YBX3: variants seen among roughly 807,000 people sequenced by gnomAD.
YBX3 encodes Y-box binding protein 3.
In YBX3, 29 loss-of-function variants were observed where a neutral mutation model predicts 42.4. The ratio of observed to expected loss-of-function variants is 0.68; its 90% CI spans 0.51 to 0.93. YBX3 has a LOEUF of 0.93. Ranked by LOEUF, YBX3 falls within the 40% of genes least tolerant of loss-of-function variation. YBX3 has a pLI of 0.00. For missense variants in YBX3, 517 were observed against 527.5 expected, an observed-to-expected ratio of 0.98 and a Z score of 0.19; for synonymous variants, 195 against 189.8, an observed-to-expected ratio of 1.03 and a Z score of -0.22.
chr12:10,708,087 G>A (rs1397340022), intron 6 of YBX3, among the ~76,000 whole-genome samples: 1 of 152,148 alleles, frequency 6.6e-6, no homozygotes, highest in South Asian at 2.1e-4. Context: ...AGTAAGAACC[G>A]ATTCCAAATA....
intron 8 of YBX3, 99 bp from the exon 9 acceptor site, chr12:10,701,452 A>G: frequency 1.4e-6 from 1 of 730,418 alleles, no homozygotes; most frequent in South Asian, 1.5e-5. Flanking sequence ...CTGTGAAGGA[A>G]AATTAGCATG....
At chr12:10,705,897 T>C (rs560718665) in intron 6 of YBX3, among the ~76,000 whole-genome samples, 1 of 152,328 alleles carries the variant, frequency 6.6e-6, no homozygotes, top group African/African-American at 2.4e-5. Context: ...TTCTTCGCTT[T>C]CTGGCACAAC....
Position 10,713,300 on chromosome 12 carries a change from C to G in YBX3, c.484G>C (p.Gly162Arg), listed in dbSNP as rs765507829. Residue 162 changes from glycine (G) to arginine (R), a missense_variant, in exon 5 of 10, where the codon GGA becomes CGA. Gly to Arg is a moderately radical substitution (Grantham distance 125). This residue lies in a region of YBX3 where 420 missense variants were observed against 408.5 expected (regional missense o/e 1.03). Transcript: ENST00000228251. ...TAACGACTCCCTTCCACAGGAACTC[C>G]ATCCGGGCCAGTCACATTGGCAGCT... ...AEAANVTGPD[G>R]VPVEGSRYAA... The G allele has an allele frequency of 6.2e-7, 1 of 1,613,992 alleles. No individual in the cohort carries two copies. Among genetic ancestry groups the G allele is most frequent in the African/African-American group, 1.3e-5 (1 of 75,022 alleles).
chr12:10,709,804 A>G, intron 6 of YBX3, 104 bp downstream of exon 6: 4 of 1,397,808 alleles, frequency 2.9e-6, no homozygotes, highest in Non-Finnish European at 4.0e-6. Context: ...GGAAGCCATA[A>G]GCAAGGTTTC....
chr12:10,711,132 G>C (rs965084085), intron 5 of YBX3: 2 of 151,652 alleles, frequency 1.3e-5, no homozygotes, highest in Non-Finnish European at 2.9e-5. Flanking sequence ...ATTCACAAAG[G>C]AATTTACCGA....
intron 7 of YBX3, 122 bp downstream of exon 7, chr12:10,703,929 T>C (rs1948108921): frequency 5.7e-6 from 5 of 876,666 alleles, no homozygotes; most frequent in South Asian, 1.9e-5. Flanking sequence ...CTCTGGCATG[T>C]AGTCAAAGCA....
In YBX3 at chr12:10,719,124, A is replaced by G. The variant is rs770369364; in HGVS notation, c.282T>C (p.Thr94=). ...KKVLATKVLG[T]VKWFNVRNGY... The stretch of plus-strand genomic sequence containing the variant: ...CATTTCTGACGTTGAACCATTTGAC[A>G]GTGCCAAGGACTTTGGTGGCTAAAA... The change falls in exon 2 of 10, where the codon ACT becomes ACC. Residue 94 remains threonine, a synonymous_variant. Transcript: ENST00000228251. 6.2e-7 allele frequency: 1 copy of G among 1,613,656 alleles called. No homozygotes were observed. The highest frequency in any genetic ancestry group is 8.5e-7 in the Non-Finnish European group (1 of 1,179,732).
chr12:10,704,239 T>A, intron 6 of YBX3, 91 bp from the exon 7 acceptor site: 1 of 1,070,664 alleles, frequency 9.3e-7, no homozygotes, highest in Non-Finnish European at 1.4e-6. Flanking sequence ...TTTTTAGAAG[T>A]AAAAAACAAA....
Position 10,722,841 on chromosome 12 carries a change from C to A in YBX3, c.262+9G>T. The A allele has an allele frequency of 6.8e-7, 1 of 1,478,474 alleles. No individual in the cohort carries two copies. Among genetic ancestry groups the A allele is most frequent in the Non-Finnish European group, 9.0e-7 (1 of 1,113,806 alleles). The allele number at this position is 1,478,474 out of a possible 1,614,324, so 91.6% of individuals were successfully genotyped here. ...TACGGCAGCCCCTGCCCTCCCTGGC[C>A]TGACTCACCGAGAACTTTTTTCTCC... On this transcript the variant is annotated intron_variant, in intron 1 of 9. Coordinates refer to ENST00000228251, the MANE Select transcript of YBX3 (RefSeq NM_003651.5).
chr12:10,723,098 C>A lies in YBX3; in HGVS notation c.14G>T (p.Gly5Val). 2.5e-6 allele frequency: 3 copies of A among 1,206,206 alleles called. No individual in the cohort carries two copies. Among genetic ancestry groups the A allele is most frequent in the Non-Finnish European group, 3.1e-6 (3 of 972,676 alleles). The allele number at this position is 1,206,206 out of a possible 1,614,324, so 74.7% of individuals were successfully genotyped here. ...GGTGGTGGTGGTGGTGGTGGCCTCG[C>A]CCGCCTCACTCATGCCTCCTCCTCC... MSEA[G>V]EATTTTTTTL... The change falls in exon 1 of 10, where the codon GGC becomes GTC. Residue 5 changes from glycine to valine, a missense_variant. Physicochemically the swap from Gly to Val is moderately radical, Grantham distance 109. Coordinates refer to ENST00000228251, the MANE Select transcript of YBX3 (RefSeq NM_003651.5).
intron 3 of YBX3, 184 bp downstream of exon 3, chr12:10,717,904 G>C (rs1948280594): frequency 4.5e-6 from 2 of 449,060 alleles, no homozygotes; most frequent in African/African-American, 2.0e-5. Flanking sequence ...CAGTTAATAT[G>C]ATGGGGTAGA....
chr12:10,719,024 C>T, intron 2 of YBX3, 56 bp downstream of exon 2: 1 of 1,536,566 alleles, frequency 6.5e-7, no homozygotes, highest in African/African-American at 1.4e-5. Context: ...TTTATAACTC[C>T]TGGTGCCACA....
In YBX3 at chr12:10,712,909, A is replaced by AAAATTTCCCCTT. The variant is rs1386630104; in HGVS notation, c.573+290_573+301dup. The AAAATTTCCCCTT allele has an allele frequency of 1.2e-5, 3 of 256,032 alleles. No homozygotes were observed. In the South Asian group the frequency reaches 3.8e-4, roughly 32 times the overall value. 15.9% of individuals were successfully genotyped at this position (256,032 alleles called of 1,614,324 possible). On this transcript the variant is annotated intron_variant, in intron 5 of 9. Transcript: ENST00000228251. Reference sequence around the variant, plus strand: ...CGGCTCTGGAAAAGTTCTGAGCGCTAAAATTTCCCCTTAAGAGTACCGTGT... The same window carrying AAAATTTCCCCTT: ...CGGCTCTGGAAAAGTTCTGAGCGCTAAAATTTCCCCTTAAATTTCCCCTTAAGAGTACCGTGT...
chr12:10,701,970 T>A lies in YBX3; in HGVS notation c.1043A>T (p.Asp348Val), dbSNP rs980010460. Residue 348 changes from aspartate to valine, a missense_variant, in exon 8 of 10, where the codon GAT (aspartate) becomes GTT (valine). Around this residue, in one of 3 missense-constraint regions of YBX3, gnomAD observed 420 missense variants for 408.5 expected, o/e 1.03. Transcript: ENST00000228251. ...RPRPPNAPSQ[D>V]GKEAKAGEAP... The stretch of plus-strand genomic sequence containing the variant: ...ACTGGTTGGATTTACCTCTTTGCCA[T>A]CTTGTGAAGGAGCGTTAGGAGGACG... 1 of 1,612,422 alleles carries A rather than the reference T, an allele frequency of 6.2e-7. No individual in the cohort carries two copies. The highest frequency in any genetic ancestry group is 1.7e-5 in the Admixed American group (1 of 59,876).
At chr12:10,705,701 G>C (rs560445102) in intron 6 of YBX3, among the ~76,000 whole-genome samples, 1 of 152,318 alleles carries the variant, frequency 6.6e-6, no homozygotes, top group East Asian at 1.9e-4. Context: ...TACTTACAAA[G>C]TGCATAAATA....
chr12:10,717,893 A>G (rs550763553), intron 3 of YBX3, 195 bp downstream of exon 3: 1 of 424,296 alleles, frequency 2.4e-6, no homozygotes, highest in African/African-American at 2.0e-5. Flanking sequence ...CTATTTGAAA[A>G]CAGTTAATAT....
intron 1 of YBX3, among the ~76,000 whole-genome samples, chr12:10,719,650 A>G (rs1279363352): frequency 6.6e-6 from 1 of 152,216 alleles, no homozygotes; most frequent in Admixed American, 6.5e-5. Context: ...GCCAAGTGGG[A>G]GCTCATCAGA....
intron 2 of YBX3, chr12:10,718,341 A>C: frequency 2.1e-6 from 1 of 481,154 alleles, no homozygotes; most frequent in South Asian, 3.4e-5. Context: ...GCTTAGATCC[A>C]AGCTCACAGA....
intron 6 of YBX3, among the ~76,000 whole-genome samples, chr12:10,706,835 G>A (rs1948142554): frequency 6.6e-6 from 1 of 152,110 alleles, no homozygotes; most frequent in Non-Finnish European, 1.5e-5. Flanking sequence ...GGCTAACACA[G>A]TGAAACCTCG....
Sources: allele counts gnomAD v4.1 joint callset (sites outside exome capture counted in the v4.1 genomes callset), GRCh38; gene constraint gnomAD v4.1.1; regional missense constraint gnomAD v4.1.1; transcripts MANE v1.5; gene names NCBI Gene and HGNC (gene_info 2026-07-23, HGNC 2026-07-21).